The following CHM variants were observed in gnomAD, a reference collection of about 807,000 sequenced individuals.
The protein encoded by CHM is CHM Rab escort protein.
Under a neutral mutation model 49.0 loss-of-function variants are expected in CHM, and 10 were observed. The observed-to-expected ratio is 0.20, with a 90% CI of 0.13 to 0.35. The LOEUF is 0.35. CHM is among the 10% of genes least tolerant of loss of function. The pLI is 1.00. For synonymous variants in CHM, 184 were observed against 167.5 expected (o/e 1.10, Z -0.76); for missense variants, 455 against 478.4 (o/e 0.95, Z 0.46).
At chrX:85,983,127 T>C (rs754714823) in intron 2 of CHM, among the ~76,000 whole-genome samples, 1 of 111,252 alleles carries the variant, frequency 9.0e-6, no homozygotes, top group African/African-American at 3.3e-5. Flanking sequence ...ACCAAACAAA[T>C]ACTGCTTTTC....
chrX:85,919,124 A>T (rs1927632190), intron 8 of CHM, among the ~76,000 whole-genome samples: 1 of 112,529 alleles, frequency 8.9e-6, no homozygotes, highest in South Asian at 3.7e-4. Context: ...AGAGCATTAG[A>T]TAAAACTTCA....
intron 13 of CHM, among the ~76,000 whole-genome samples, chrX:85,878,257 A>C (rs1924535450): frequency 9.0e-6 from 1 of 111,677 alleles, no homozygotes; most frequent in Non-Finnish European, 1.9e-5. Context: ...AGGTGGGCGG[A>C]TCACCTGAGG....
chrX:85,906,036 T>C (rs1926569115), intron 9 of CHM, among the ~76,000 whole-genome samples: 1 of 111,928 alleles, frequency 8.9e-6, no homozygotes, highest in South Asian at 3.7e-4. Flanking sequence ...ACCCTGATTG[T>C]CTTATTCTCT....
intron 2 of CHM, 76 bp downstream of exon 2, chrX:86,027,415 T>C (rs1353324084): frequency 1.3e-6 from 1 of 791,247 alleles, no homozygotes; most frequent in Non-Finnish European, 1.9e-6. Flanking sequence ...CGTACAGACA[T>C]ATATGTGTTT....
At chrX:85,957,753 C>T in intron 7 of CHM, 102 bp downstream of exon 7, 1 of 1,013,949 alleles carries the variant, frequency 9.9e-7, no homozygotes, top group Non-Finnish European at 1.3e-6. Context: ...AGTTAGAATG[C>T]ATTTTAAAAC....
At chrX:86,029,678 T>A (rs1159511058) in intron 1 of CHM, among the ~76,000 whole-genome samples, 1 of 111,450 alleles carries the variant, frequency 9.0e-6, no homozygotes, top group Admixed American at 9.5e-5. Context: ...TAATTCACTA[T>A]CTCCAACTTG....
intron 8 of CHM, among the ~76,000 whole-genome samples, chrX:85,938,039 A>G (rs1225514225): frequency 8.9e-6 from 1 of 111,930 alleles, no homozygotes; most frequent in Admixed American, 9.5e-5. Flanking sequence ...TTTTTCTGTC[A>G]AAACGTAAGG....
intron 9 of CHM, among the ~76,000 whole-genome samples, chrX:85,903,483 T>C (rs932915756): frequency 9.0e-6 from 1 of 111,048 alleles, no homozygotes; most frequent in Non-Finnish European, 1.9e-5. Flanking sequence ...AGTTATGATA[T>C]TAGAAAGAAC....
intron 11 of CHM, among the ~76,000 whole-genome samples, chrX:85,899,692 A>C (rs1411150863): frequency 2.6e-4 from 16 of 60,626 alleles, no homozygotes; most frequent in South Asian, 1.2e-3. Flanking sequence ...CCCCCGCCCC[A>C]AAAAAACCCC....
In CHM at chrX:86,027,475, T is replaced by C. The variant is rs1281286741; in HGVS notation, c.116+16A>G. On this transcript the variant is annotated intron_variant, in intron 2 of 14. Coordinates refer to ENST00000357749, the MANE Select transcript of CHM (RefSeq NM_000390.4). Reference sequence around the variant, plus strand: ...GATATTTAGGAAATATTAAATGCTATCGTTGATAAACTTACGAATCAACAT... The same window carrying C: ...GATATTTAGGAAATATTAAATGCTACCGTTGATAAACTTACGAATCAACAT... 2 of 1,174,804 alleles carry C rather than the reference T, an allele frequency of 1.7e-6. No individual in the cohort carries two copies. Among genetic ancestry groups the C allele is most frequent in the African/African-American group, 3.5e-5 (2 of 56,510 alleles).
At chrX:85,963,467 A>G (rs1930401601) in intron 5 of CHM, among the ~76,000 whole-genome samples, 198 bp downstream of exon 5, 1 of 112,503 alleles carries the variant, frequency 8.9e-6, no homozygotes, top group African/African-American at 3.2e-5. Flanking sequence ...TAGATTAAAA[A>G]CATAATTAAA....
intron 5 of CHM, 51 bp downstream of exon 5, chrX:85,963,614 A>C: frequency 1.7e-5 from 18 of 1,049,275 alleles, no homozygotes; most frequent in Non-Finnish European, 2.4e-5. Flanking sequence ...AACTGGGTTT[A>C]TGGGCCCAGA....
chrX:85,927,109 T>C (rs1366920933), intron 8 of CHM, among the ~76,000 whole-genome samples: 1 of 112,260 alleles, frequency 8.9e-6, no homozygotes, highest in Non-Finnish European at 1.9e-5. Context: ...GGTTTTCTTT[T>C]GTAAAAAATT....
chrX:86,047,548 G>A lies in CHM; in HGVS notation c.-16C>T, dbSNP rs1934698951. ...TATCCGCCATCTTGACGGGAAACGTGTCATGTGACTATTACTTGTGGAAAT... is the reference window on the plus strand; with the variant it reads ...TATCCGCCATCTTGACGGGAAACGTATCATGTGACTATTACTTGTGGAAAT... On this transcript the variant is annotated 5_prime_UTR_variant, in exon 1 of 15. Transcript: ENST00000357749. 1.7e-6 allele frequency: 2 copies of A among 1,190,674 alleles called. No homozygotes were observed. The highest frequency in any genetic ancestry group is 1.8e-5 in the African/African-American group (1 of 56,778).
rs767043768 is a variant in CHM, at chrX:85,864,658, A to AGGTTTGTGCTTT, written c.1922_1933dup (p.Asn644_Leu645insGlnSerThrAsn). 286 of 1,208,303 alleles carry AGGTTTGTGCTTT rather than the reference A, an allele frequency of 2.4e-4. No individual in the cohort carries two copies. The highest frequency in any genetic ancestry group is 2.9e-4 in the Non-Finnish European group (259 of 894,496). On this transcript the variant is annotated inframe_insertion, in exon 15 of 15. Coordinates refer to ENST00000357749, the MANE Select transcript of CHM (RefSeq NM_000390.4). ...TTCAGAGGACTCCTCTAGGTTTCCA[A>AGGTTTGTGCTTT]GGTTTGTGCTTTCCTTGAAAGTCTC...
chrX:85,951,866 G>A (rs765988428), intron 8 of CHM, among the ~76,000 whole-genome samples: 88 of 112,489 alleles, frequency 7.8e-4, no homozygotes, highest in African/African-American at 2.6e-3. Context: ...CCAATTCCAC[G>A]GCAGTGGCCA....
intron 2 of CHM, among the ~76,000 whole-genome samples, chrX:86,005,023 C>A (rs1167185071): frequency 8.9e-6 from 1 of 112,085 alleles, no homozygotes; most frequent in Admixed American, 9.5e-5. Context: ...GTAAAGCACT[C>A]CTCAGCAAAT....
intron 8 of CHM, among the ~76,000 whole-genome samples, chrX:85,924,529 A>G (rs1286043100): frequency 8.9e-6 from 1 of 111,834 alleles, no homozygotes; most frequent in East Asian, 2.8e-4. Context: ...TGGGGTGATT[A>G]TTAGAGACAG....
At chrX:85,889,246 G>A (rs998147495) in intron 12 of CHM, among the ~76,000 whole-genome samples, 2 of 112,025 alleles carry the variant, frequency 1.8e-5, no homozygotes, top group Admixed American at 9.5e-5. Flanking sequence ...CATGTACCCA[G>A]CAAAAGAAAT....
Sources: allele counts gnomAD v4.1 joint callset (sites outside exome capture counted in the v4.1 genomes callset), GRCh38; gene constraint gnomAD v4.1.1; transcripts MANE v1.5; gene names NCBI Gene and HGNC (gene_info 2026-07-23, HGNC 2026-07-21).